Variants in KAT6A observed in about 807,000 individuals in gnomAD.
KAT6A encodes lysine acetyltransferase 6A.
In KAT6A, 9 loss-of-function variants were observed where a neutral mutation model predicts 198.4. That is an observed-to-expected ratio of 0.05 (90% CI 0.03 to 0.08). The LOEUF (loss-of-function observed/expected upper bound fraction) is 0.08, where lower values mean the gene tolerates loss of function less well. Among genes scored for constraint, KAT6A ranks in the 10% least tolerant of loss-of-function variants. KAT6A has a pLI of 1.00. For missense variants in KAT6A, 2,077 were observed against 2,509.9 expected (o/e 0.83, Z 3.69); for synonymous variants, 890 against 883.0 (o/e 1.01, Z -0.14).
chr8:41,973,350 C>T (rs1823893524), intron 8 of KAT6A, among the ~76,000 whole-genome samples: 1 of 151,946 alleles, frequency 6.6e-6, no homozygotes, highest in African/African-American at 2.4e-5. Context: ...CTCAGCCTCC[C>T]GAGTAGCTGG....
In KAT6A at chr8:41,930,850, A is replaced by G. The variant is rs561235543; in HGVS notation, c.*1355T>C. 50 of 207,392 alleles carry G rather than the reference A, an allele frequency of 2.4e-4. No individual in the cohort carries two copies. Among genetic ancestry groups the G allele is most frequent in the Middle Eastern group, 1.6e-3 (1 of 616 alleles). 12.8% of individuals were successfully genotyped at this position (207,392 alleles called of 1,614,324 possible). A position where few individuals can be genotyped will look rare whatever the true frequency, so the allele number is the denominator to read the frequency against. On this transcript the variant is annotated 3_prime_UTR_variant, in exon 17 of 17. Coordinates refer to ENST00000265713, the MANE Select transcript of KAT6A (RefSeq NM_006766.5). ...TGGGAGCAACACATGAACTTGCGTT[A>G]TAACATTCTGCTGTCCAGATCTGCC...
intron 2 of KAT6A, among the ~76,000 whole-genome samples, chr8:42,036,742 G>A (rs1827397769): frequency 6.6e-6 from 1 of 152,164 alleles, no homozygotes; most frequent in South Asian, 2.1e-4. Context: ...GCACCTGTCG[G>A]AATCATGCAG....
At chr8:42,025,208 TTTTTG>T (rs1554696904) in intron 2 of KAT6A, among the ~76,000 whole-genome samples, 2 of 151,958 alleles carry the variant, frequency 1.3e-5, no homozygotes, top group East Asian at 1.9e-4. Context: ...CTGAGGTTTT[TTTTTG>T]TTTTGTTTTG....
chr8:41,977,309 G>A lies in KAT6A; in HGVS notation c.1062C>T (p.Ser354=). The stretch of plus-strand genomic sequence containing the variant: ...CCCTTCCAGGGCCAGTTCGAACTTT[G>A]CTGAAGGGACCTTTTGATCTAAACA... The part of the protein sequence containing the change: ...KQNTVSKGPF[S]KVRTGPGRGR... The change falls in exon 7 of 17, where the codon AGC becomes AGT. Residue 354 remains serine (S), a synonymous_variant. Coordinates refer to ENST00000265713, the MANE Select transcript of KAT6A (RefSeq NM_006766.5). The A allele has an allele frequency of 1.2e-6, 2 of 1,613,172 alleles. No homozygotes were observed. Among genetic ancestry groups the A allele is most frequent in the Non-Finnish European group, 1.7e-6 (2 of 1,179,340 alleles).
intron 2 of KAT6A, among the ~76,000 whole-genome samples, chr8:42,035,699 G>T (rs1339745584): frequency 6.6e-6 from 1 of 152,214 alleles, no homozygotes; most frequent in Non-Finnish European, 1.5e-5. Flanking sequence ...ACTGAAAACT[G>T]TCCACAAGAG....
chr8:41,981,078 G>A (rs758814565), intron 4 of KAT6A, 151 bp from the exon 5 acceptor site: 177 of 613,940 alleles, frequency 2.9e-4, no homozygotes, highest in Non-Finnish European at 4.4e-4. Flanking sequence ...CCAACACTCT[G>A]GGAGGTCGAG....
chr8:42,047,585 A>G (rs1270807383), intron 2 of KAT6A, among the ~76,000 whole-genome samples: 1 of 151,854 alleles, frequency 6.6e-6, no homozygotes, highest in Non-Finnish European at 1.5e-5. Context: ...TAATTTTTCT[A>G]TTTTTGGTGG....
intron 8 of KAT6A, among the ~76,000 whole-genome samples, chr8:41,961,621 C>T (rs1465583983): frequency 2.6e-5 from 4 of 151,744 alleles, no homozygotes; most frequent in African/African-American, 4.8e-5. Context: ...GGAGTGGTGG[C>T]GCACACCTGT....
At position 41,931,399 on chromosome 8, in the gene KAT6A, G is replaced by C. The variant is rs1318260497; in HGVS notation, c.*806C>G. ...TTTGGATTGCAAACAGCTTTTCTCTGAGATTCTGCTGTTAATTGAGACTTA... is the reference window on the plus strand; with the variant it reads ...TTTGGATTGCAAACAGCTTTTCTCTCAGATTCTGCTGTTAATTGAGACTTA... On this transcript the variant is annotated 3_prime_UTR_variant, in exon 17 of 17. Transcript: ENST00000265713. The C allele has an allele frequency of 9.4e-6, 2 of 212,014 alleles. No homozygotes were observed. Among genetic ancestry groups the C allele is most frequent in the Non-Finnish European group, 9.6e-6 (1 of 104,564 alleles). 13.1% of individuals were successfully genotyped at this position (212,014 alleles called of 1,614,324 possible).
intron 2 of KAT6A, among the ~76,000 whole-genome samples, chr8:42,010,139 T>C (rs1280467438): frequency 6.6e-6 from 1 of 152,100 alleles, no homozygotes; most frequent in Non-Finnish European, 1.5e-5. Flanking sequence ...ACCCTGTCTC[T>C]ACTAAAAATA....
chr8:41,952,869 GA>G (rs919532898), intron 9 of KAT6A, among the ~76,000 whole-genome samples: 4 of 151,772 alleles, frequency 2.6e-5, no homozygotes, highest in African/African-American at 9.7e-5. Flanking sequence ...TATAAAGATA[GA>G]AAAAAAGTCA....
At chr8:41,951,983 C>A (rs982514241) in intron 9 of KAT6A, among the ~76,000 whole-genome samples, 1 of 152,176 alleles carries the variant, frequency 6.6e-6, no homozygotes, top group African/African-American at 2.4e-5. Flanking sequence ...GCCACTTATA[C>A]ACTGTACTGT....
rs146022463 is a variant in KAT6A, at chr8:41,945,739, G to A, written c.1996+852C>T. 7.2e-5 allele frequency among the ~76,000 whole-genome samples: 11 copies of A among 151,870 alleles called. No homozygotes were observed. In the East Asian group the frequency reaches 1.4e-3, roughly 19 times the overall value. Reference sequence around the variant, plus strand: ...AATATTAGCTGTTTAAAAATATTTCGTGTCCAAGGCCACGCATGGTGGCTC... The same window carrying A: ...AATATTAGCTGTTTAAAAATATTTCATGTCCAAGGCCACGCATGGTGGCTC... On this transcript the variant is annotated intron_variant, in intron 12 of 16. Transcript: ENST00000265713.
chr8:42,019,227 G>A (rs1423547983), intron 2 of KAT6A, among the ~76,000 whole-genome samples: 2 of 152,118 alleles, frequency 1.3e-5, no homozygotes, highest in Non-Finnish European at 2.9e-5. Context: ...CCTTACATTG[G>A]TTTGCATGTT....
At position 41,933,330 on chromosome 8, in the gene KAT6A, G is replaced by C. The variant is rs951927737; in HGVS notation, c.4890C>G (p.Cys1630Trp). The C allele has an allele frequency of 5.1e-6, 8 of 1,574,314 alleles. No individual in the cohort carries two copies. Among genetic ancestry groups the C allele is most frequent in the African/African-American group, 2.7e-5 (2 of 74,452 alleles). ...CGCAGCTCTGAGGTGACTTGATGCT[G>C]CAGTTGGCAGCAGGCTGGACGCTGC... ...QQSSVQPAANCSIKSPQSCVV... is the reference protein window; with the variant it reads ...QQSSVQPAANWSIKSPQSCVV... Residue 1630 changes from cysteine (C) to tryptophan (W), a missense_variant, in exon 17 of 17, where the codon TGC (cysteine) becomes TGG (tryptophan). This residue lies in a region of KAT6A where 500 missense variants were observed against 577.2 expected (regional missense o/e 0.87). Transcript: ENST00000265713. The surrounding 1 kb of genome is among the most constrained non-coding windows in gnomAD (Gnocchi z 6.2).
At position 41,929,930 on chromosome 8, in the gene KAT6A, A is replaced by G. The variant is rs1821440494; in HGVS notation, c.*2275T>C. On this transcript the variant is annotated 3_prime_UTR_variant, in exon 17 of 17. Transcript: ENST00000265713. ...AAAGTCACTAACAGTGAGTTTTTAAATTTCTTTTTTAGAAGATTACCCAAG... is the reference window on the plus strand; with the variant it reads ...AAAGTCACTAACAGTGAGTTTTTAAGTTTCTTTTTTAGAAGATTACCCAAG... 4.6e-6 allele frequency: 1 copy of G among 216,758 alleles called. No homozygotes were observed. The highest frequency in any genetic ancestry group is 6.8e-5 in the East Asian group (1 of 14,680). The allele number at this position is 216,758 out of a possible 1,614,324, so 13.4% of individuals were successfully genotyped here.
At chr8:41,972,017 A>T (rs1823819374) in intron 8 of KAT6A, among the ~76,000 whole-genome samples, 1 of 152,244 alleles carries the variant, frequency 6.6e-6, no homozygotes, top group Non-Finnish European at 1.5e-5. Context: ...AGCCTAGAAC[A>T]TCTTGCTGTG....
intron 2 of KAT6A, among the ~76,000 whole-genome samples, chr8:42,015,072 A>T (rs1479886989): frequency 6.6e-6 from 1 of 152,220 alleles, no homozygotes; most frequent in Admixed American, 6.5e-5. Context: ...GGAGATAGTA[A>T]GGCAGAAGAG....
intron 2 of KAT6A, among the ~76,000 whole-genome samples, chr8:42,015,139 T>C (rs1826211511): frequency 6.6e-6 from 1 of 152,216 alleles, no homozygotes; most frequent in Admixed American, 6.5e-5. Flanking sequence ...TGTCTGCCAA[T>C]GTTATCCACA....
Sources: allele counts gnomAD v4.1 joint callset (sites outside exome capture counted in the v4.1 genomes callset), GRCh38; gene constraint gnomAD v4.1.1; regional missense constraint gnomAD v4.1.1; non-coding constraint Gnocchi (gnomAD v3.1); transcripts MANE v1.5; gene names NCBI Gene and HGNC (gene_info 2026-07-23, HGNC 2026-07-21).